The following CCL28 variants were observed in gnomAD, a reference collection of about 807,000 sequenced individuals.
The protein encoded by CCL28 is C-C motif chemokine ligand 28.
In CCL28, 4 loss-of-function variants were observed where a neutral mutation model predicts 7.1. The ratio of observed to expected loss-of-function variants is 0.56; its 90% CI spans 0.28 to 1.29. CCL28 has a LOEUF of 1.29. Among genes scored for constraint, CCL28 ranks in the 50% most tolerant of loss-of-function variants. The pLI, the probability that CCL28 is intolerant of heterozygous loss-of-function variation, is 0.11. For missense variants in CCL28, 151 were observed against 163.4 expected, an observed-to-expected ratio of 0.92 and a Z score of 0.41; for synonymous variants, 55 against 57.8, an observed-to-expected ratio of 0.95 and a Z score of 0.22.
chr5:43,387,295 G>A (rs1485657502), intron 2 of CCL28, among the ~76,000 whole-genome samples: 1 of 152,216 alleles, frequency 6.6e-6, no homozygotes, highest in Non-Finnish European at 1.5e-5. Flanking sequence ...AGTGAACCGT[G>A]TAACCTGAGT....
chr5:43,358,735 T>TA, the CCL28 span, among the ~76,000 whole-genome samples: 1 of 152,212 alleles, frequency 6.6e-6, no homozygotes, highest in Non-Finnish European at 1.5e-5. Flanking sequence ...TAAGCAAATT[T>TA]AAAAAATATA....
chr5:43,368,318 C>A, the CCL28 span, among the ~76,000 whole-genome samples: 1 of 152,088 alleles, frequency 6.6e-6, no homozygotes, highest in Non-Finnish European at 1.5e-5. Flanking sequence ...GCTAGTTGCC[C>A]GCAATATCCT....
At chr5:43,366,131 TTTG>T in the CCL28 span, among the ~76,000 whole-genome samples, 1 of 152,152 alleles carries the variant, frequency 6.6e-6, no homozygotes, top group Non-Finnish European at 1.5e-5. Flanking sequence ...CTCAGAGGAG[TTTG>T]TTATTACCCA....
In CCL28 at chr5:43,381,261, A is replaced by G. The variant is rs1466256581; in HGVS notation, c.*599T>C. ...TAATATTGTGGTGAAAGATATATAG[A>G]TGTTCATTGTACCATTCTTTTAACT... On this transcript the variant is annotated 3_prime_UTR_variant, in exon 3 of 3. Coordinates refer to ENST00000361115, the MANE Select transcript of CCL28 (RefSeq NM_148672.3). The G allele has an allele frequency of 6.6e-6, 1 of 152,184 alleles. No individual in the cohort carries two copies. 9.4% of individuals were successfully genotyped at this position (152,184 alleles called of 1,614,324 possible). A position where few individuals can be genotyped will look rare whatever the true frequency, so the allele number is the denominator to read the frequency against.
chr5:43,378,437 T>A (rs984158357), downstream of CCL28, among the ~76,000 whole-genome samples: 4 of 152,136 alleles, frequency 2.6e-5, no homozygotes, highest in Non-Finnish European at 4.4e-5. Flanking sequence ...TATTATAAAT[T>A]CTGCTGTACT....
At chr5:43,394,430 C>T (rs1220161795) in intron 1 of CCL28, among the ~76,000 whole-genome samples, 8 of 152,192 alleles carry the variant, frequency 5.3e-5, no homozygotes. Flanking sequence ...TCTTCCCATT[C>T]ATAAATATGG....
At chr5:43,407,171 C>A (rs997037571) in intron 1 of CCL28, among the ~76,000 whole-genome samples, 14 of 152,130 alleles carry the variant, frequency 9.2e-5, no homozygotes, top group South Asian at 2.1e-4. Flanking sequence ...CAAAAAGGAG[C>A]CCACGTTGCC....
intron 2 of CCL28, among the ~76,000 whole-genome samples, chr5:43,387,795 T>C (rs1740402472): frequency 6.6e-6 from 1 of 152,156 alleles, no homozygotes; most frequent in African/African-American, 2.4e-5. Context: ...CTGGCTAGTT[T>C]TAAAGTTTTT....
Position 43,388,433 on chromosome 5 carries a change from A to T in CCL28, c.108T>A (p.His36Gln). ...IASSCCTEVS[H>Q]HISRRLLERV... ...TTTCCAGGAGCCTTCTGGAAATATGATGTGAAACCTCCGTGCAACAGCTGG... is the reference window on the plus strand; with the variant it reads ...TTTCCAGGAGCCTTCTGGAAATATGTTGTGAAACCTCCGTGCAACAGCTGG... Residue 36 changes from histidine to glutamine, a missense_variant, in exon 2 of 3, where the codon CAT becomes CAA. Physicochemically the swap from His to Gln is conservative, Grantham distance 24. Coordinates refer to ENST00000361115, the MANE Select transcript of CCL28 (RefSeq NM_148672.3). The T allele has an allele frequency of 1.2e-6, 2 of 1,614,084 alleles. No individual in the cohort carries two copies.
the CCL28 span, among the ~76,000 whole-genome samples, chr5:43,357,813 CA>C: frequency 6.6e-6 from 1 of 152,122 alleles, no homozygotes; most frequent in Non-Finnish European, 1.5e-5. Context: ...GACTGCAAGA[CA>C]GGGGCATGTT....
At chr5:43,365,164 C>T in the CCL28 span, among the ~76,000 whole-genome samples, 2 of 152,032 alleles carry the variant, frequency 1.3e-5, no homozygotes, top group Non-Finnish European at 2.9e-5. Context: ...GCCACCATAT[C>T]CAGCTAATTT....
At chr5:43,361,946 G>GT in the CCL28 span, among the ~76,000 whole-genome samples, 2 of 103,918 alleles carry the variant, frequency 1.9e-5, no homozygotes, top group Admixed American at 9.0e-5. Flanking sequence ...CTCCAGCTTT[G>GT]TTTTTTTGCT....
At chr5:43,396,350 C>A (rs1451094439) in intron 1 of CCL28, among the ~76,000 whole-genome samples, 1 of 152,132 alleles carries the variant, frequency 6.6e-6, no homozygotes, top group Non-Finnish European at 1.5e-5. Context: ...TTAGCAAGGT[C>A]TTTTATGACC....
chr5:43,377,717 CTTTTTTTTTTTTTTTTTT>C (rs767834184), downstream of CCL28, among the ~76,000 whole-genome samples: 4,328 of 42,850 alleles, frequency 0.1, 248 homozygotes, highest in Middle Eastern at 0.24. Context: ...AGAACTTAAA[CTTTTTTTTTTTTTTTTTT>C]TTTTTTTTTT....
chr5:43,369,709 C>T, the CCL28 span, among the ~76,000 whole-genome samples: 4 of 152,280 alleles, frequency 2.6e-5, no homozygotes, highest in Admixed American at 1.3e-4. Flanking sequence ...GGATTACAGG[C>T]CCACCACTGT....
chr5:43,357,787 A>G, the CCL28 span, among the ~76,000 whole-genome samples: 6 of 152,186 alleles, frequency 3.9e-5, no homozygotes. Context: ...CATGCTGTGA[A>G]AAAAATAACT....
chr5:43,395,306 T>C (rs1196846661), intron 1 of CCL28, among the ~76,000 whole-genome samples: 1 of 152,030 alleles, frequency 6.6e-6, no homozygotes, highest in African/African-American at 2.4e-5. Flanking sequence ...CATAGCTTTA[T>C]CTCACTGTAT....
downstream of CCL28, among the ~76,000 whole-genome samples, chr5:43,378,286 G>T (rs1278146592): frequency 1.3e-5 from 2 of 152,166 alleles, no homozygotes; most frequent in Non-Finnish European, 1.5e-5. Flanking sequence ...AAGAGGTCAA[G>T]ATTGCAATAA....
intron 2 of CCL28, among the ~76,000 whole-genome samples, chr5:43,383,437 G>A (rs960983559): frequency 5.9e-5 from 9 of 152,158 alleles, no homozygotes; most frequent in African/African-American, 1.9e-4. Context: ...CTACTGAAAT[G>A]GGAGAAAAGT....
Sources: gnomAD v4.1 joint callset for allele counts (sites outside exome capture counted in the v4.1 genomes callset) on GRCh38, gnomAD v4.1.1 for gene constraint, MANE v1.5 for transcripts, NCBI Gene and HGNC (gene_info 2026-07-23, HGNC 2026-07-21) for gene names.